DST: variants seen among roughly 807,000 people sequenced by gnomAD.
DST encodes bullous pemphigoid antigen.
DST carries 253 observed loss-of-function variants against 875.2 expected under a neutral mutation model. The observed-to-expected ratio is 0.29, with a 90% CI of 0.26 to 0.32. The LOEUF (loss-of-function observed/expected upper bound fraction) is 0.32, where lower values mean the gene tolerates loss of function less well. Among genes scored for constraint, DST ranks in the 10% least tolerant of loss-of-function variants. The pLI is 1.00. For missense variants in DST, 8,287 were observed against 9,111.6 expected (o/e 0.91, Z 3.68); for synonymous variants, 3,124 against 3,197.1 (o/e 0.98, Z 0.77).
At chr6:56,904,163 A>G (rs1562349508) in intron 2 of DST, among the ~76,000 whole-genome samples, 1 of 152,272 alleles carries the variant, frequency 6.6e-6, no homozygotes, top group African/African-American at 2.4e-5. Context: ...AATAAAATAT[A>G]GTCTTGAACA....
At chr6:56,695,126 C>CAAAA (rs34456344) in intron 9 of DST, among the ~76,000 whole-genome samples, 10 of 70,046 alleles carry the variant, frequency 1.4e-4, no homozygotes, top group African/African-American at 5.5e-4. Flanking sequence ...GACTCCCTCT[C>CAAAA]AAAAAAAAAA....
chr6:56,585,426 G>C (rs1356049698), intron 49 of DST, among the ~76,000 whole-genome samples: 3 of 151,972 alleles, frequency 2.0e-5, no homozygotes, highest in Non-Finnish European at 4.4e-5. Context: ...TATTTCTGTG[G>C]GATTGGTGGT....
chr6:56,867,637 T>C (rs544079133), intron 3 of DST, among the ~76,000 whole-genome samples: 46 of 152,258 alleles, frequency 3.0e-4, no homozygotes, highest in South Asian at 1.7e-3. Context: ...CTGGCCAACA[T>C]GGTGAAACCC....
intron 5 of DST, 37 bp downstream of exon 5, chr6:56,735,191 C>T: frequency 7.2e-7 from 1 of 1,386,744 alleles, no homozygotes; most frequent in Non-Finnish European, 1.0e-6. Flanking sequence ...TGAAATATTC[C>T]AAACAATTCC....
intron 50 of DST, among the ~76,000 whole-genome samples, chr6:56,577,585 AG>A (rs2097892723): frequency 6.6e-6 from 1 of 152,188 alleles, no homozygotes; most frequent in South Asian, 2.1e-4. Flanking sequence ...AATGAAAGAC[AG>A]GATTTCCCTT....
intron 4 of DST, among the ~76,000 whole-genome samples, chr6:56,780,724 A>C (rs1450001848): frequency 2.7e-5 from 4 of 150,148 alleles, no homozygotes; most frequent in African/African-American, 9.8e-5. Context: ...GAAGCTCTTT[A>C]GTTTAATTAG....
chr6:56,631,263 C>A lies in DST; in HGVS notation c.4090G>T (p.Val1364Phe). Residue 1364 changes from valine to phenylalanine, a missense_variant, in exon 30 of 104, where the codon GTC becomes TTC. Transcript: ENST00000680361. The stretch of plus-strand genomic sequence containing the variant: ...TAGACTTGGTTCATGTTCTGAAGGA[C>A]CACATTAAGCTCTGATCGTAGGGTA... ...VPTLRSELNV[V>F]LQNMNQVYSM... 1 of 1,613,832 alleles carries A rather than the reference C, an allele frequency of 6.2e-7. No individual in the cohort carries two copies. The highest frequency in any genetic ancestry group is 8.5e-7 in the Non-Finnish European group (1 of 1,179,862).
At chr6:56,599,103 G>T (rs550027135) in intron 45 of DST, among the ~76,000 whole-genome samples, 19 of 152,018 alleles carry the variant, frequency 1.2e-4, no homozygotes, top group African/African-American at 4.3e-4. Flanking sequence ...TATCACTCAG[G>T]ATAAAAATGA....
At chr6:56,505,789 A>G (rs1410628092) in intron 77 of DST, among the ~76,000 whole-genome samples, 2 of 152,128 alleles carry the variant, frequency 1.3e-5, no homozygotes, top group East Asian at 3.9e-4. Context: ...AGGTAGGGAG[A>G]GAAATATACC....
chr6:56,851,742 G>A, intron 3 of DST, 138 bp from the exon 4 acceptor site: 1 of 1,551,868 alleles, frequency 6.4e-7, no homozygotes, highest in Non-Finnish European at 8.7e-7. Flanking sequence ...CATCCTCGGA[G>A]CTGAGGGAAT....
intron 4 of DST, among the ~76,000 whole-genome samples, chr6:56,776,773 T>C (rs909243219): frequency 6.6e-6 from 1 of 152,176 alleles, no homozygotes; most frequent in Admixed American, 6.6e-5. Context: ...AAATTATTTA[T>C]TTTTATTTTC....
In DST at chr6:56,783,077, T is replaced by C. The variant is rs1269347245; in HGVS notation, c.626-47788A>G. On this transcript the variant is annotated intron_variant, in intron 4 of 103. Coordinates refer to ENST00000680361, the MANE Select transcript of DST (RefSeq NM_001374736.1). ...CCTGAGTTCTAGTTTGATTGCACTG[T>C]GGTCTGAGAGACAGTTTGTTATAAT... Among the ~76,000 whole-genome samples the C allele has an allele frequency of 2.0e-5, 3 of 152,214 alleles. No homozygotes were observed. In the East Asian group the frequency reaches 5.8e-4, roughly 29 times the overall value.
At chr6:56,561,183 A>G in intron 57 of DST, 125 bp downstream of exon 57, 1 of 1,079,784 alleles carries the variant, frequency 9.3e-7, no homozygotes, top group Non-Finnish European at 1.3e-6. Flanking sequence ...AAAACTGTCA[A>G]TTATGTGCTA....
intron 5 of DST, among the ~76,000 whole-genome samples, chr6:56,726,389 GA>G (rs1263774290): frequency 6.6e-6 from 1 of 152,184 alleles, no homozygotes; most frequent in Non-Finnish European, 1.5e-5. Context: ...CTATGGAAAA[GA>G]ATATCTTAGA....
chr6:56,814,122 A>G (rs1030248145), intron 4 of DST, among the ~76,000 whole-genome samples: 3 of 152,194 alleles, frequency 2.0e-5, no homozygotes, highest in Non-Finnish European at 4.4e-5. Flanking sequence ...GATGGTCTCA[A>G]TATATAGACA....
chr6:56,699,190 T>G (rs191131533), intron 9 of DST, among the ~76,000 whole-genome samples: 1 of 152,250 alleles, frequency 6.6e-6, no homozygotes, highest in Non-Finnish European at 1.5e-5. Flanking sequence ...AAAGCACAGC[T>G]CTGCATAAAA....
intron 4 of DST, among the ~76,000 whole-genome samples, chr6:56,737,519 A>G (rs774608119): frequency 3.0e-4 from 46 of 152,234 alleles, no homozygotes; most frequent in African/African-American, 7.5e-4. Flanking sequence ...ACTAGTCACA[A>G]TTTAAGTGCT....
At chr6:56,629,028 G>A (rs938086629) in intron 32 of DST, among the ~76,000 whole-genome samples, 17 of 152,110 alleles carry the variant, frequency 1.1e-4, no homozygotes, top group Admixed American at 1.0e-3. Context: ...CTATATAAAT[G>A]CTAGAATACA....
chr6:56,700,019 G>A (rs769705680), intron 8 of DST, among the ~76,000 whole-genome samples: 1 of 152,200 alleles, frequency 6.6e-6, no homozygotes, highest in Non-Finnish European at 1.5e-5. Flanking sequence ...ATAGGGACTG[G>A]GCTGCATGGC....
Sources: allele counts gnomAD v4.1 joint callset (sites outside exome capture counted in the v4.1 genomes callset), GRCh38; gene constraint gnomAD v4.1.1; transcripts MANE v1.5; gene names NCBI Gene and HGNC (gene_info 2026-07-23, HGNC 2026-07-21).